RIT2: variants seen among roughly 807,000 people sequenced by gnomAD.
The protein encoded by RIT2 is Ras like without CAAX 2.
In RIT2, 24 loss-of-function variants were observed where a neutral mutation model predicts 23.7. The ratio of observed to expected loss-of-function variants is 1.01; its 90% CI spans 0.73 to 1.43. RIT2 has a LOEUF of 1.43. Ranked by LOEUF, RIT2 falls within the 40% of genes most tolerant of loss-of-function variation. The pLI, the probability that RIT2 is intolerant of heterozygous loss-of-function variation, is 0.00. For synonymous variants in RIT2, 107 were observed against 91.1 expected (o/e 1.17, Z -0.99); for missense variants, 236 against 266.9 (o/e 0.88, Z 0.81).
chr18:42,870,724 G>A (rs548932389), intron 4 of RIT2, among the ~76,000 whole-genome samples: 11 of 152,154 alleles, frequency 7.2e-5, no homozygotes, highest in African/African-American at 2.7e-4. Flanking sequence ...TCATGTGAAA[G>A]GTTTCCTATA....
intron 2 of RIT2, among the ~76,000 whole-genome samples, chr18:42,984,739 A>C (rs1053629364): frequency 6.6e-6 from 1 of 152,102 alleles, no homozygotes; most frequent in Non-Finnish European, 1.5e-5. Flanking sequence ...TCCAAATTTC[A>C]AAAAGCATAT....
At chr18:42,860,054 A>C (rs1907287250) in intron 4 of RIT2, among the ~76,000 whole-genome samples, 1 of 152,206 alleles carries the variant, frequency 6.6e-6, no homozygotes, top group Non-Finnish European at 1.5e-5. Context: ...AGTTGAACAA[A>C]TGTCACTGAT....
intron 3 of RIT2, among the ~76,000 whole-genome samples, chr18:42,948,389 C>T (rs908422500): frequency 2.6e-5 from 4 of 152,070 alleles, no homozygotes; most frequent in Non-Finnish European, 5.9e-5. Flanking sequence ...CTGAGTTCTG[C>T]AGGAGCAAGG....
At chr18:43,003,840 T>G (rs1011436824) in intron 2 of RIT2, among the ~76,000 whole-genome samples, 3 of 150,048 alleles carry the variant, frequency 2.0e-5, no homozygotes, top group Non-Finnish European at 4.4e-5. Context: ...CCTACCCAGG[T>G]TCTGAAAAAT....
intron 4 of RIT2, among the ~76,000 whole-genome samples, chr18:42,791,755 A>G (rs1257004804): frequency 6.6e-6 from 1 of 152,150 alleles, no homozygotes; most frequent in Non-Finnish European, 1.5e-5. Context: ...TTCTTTTCTT[A>G]ACAAGATTTT....
intron 4 of RIT2, among the ~76,000 whole-genome samples, chr18:42,885,487 G>A (rs12455240): frequency 0.05 from 7,663 of 152,196 alleles, 575 homozygotes; most frequent in East Asian, 0.31. Flanking sequence ...TTGGGAGGCT[G>A]AGTCAGGAGA....
intron 4 of RIT2, among the ~76,000 whole-genome samples, chr18:42,791,296 T>C (rs1469504568): frequency 2.0e-5 from 3 of 152,206 alleles, no homozygotes; most frequent in African/African-American, 7.2e-5. Flanking sequence ...AAATTAGATA[T>C]GTATCTTCAG....
intron 2 of RIT2, among the ~76,000 whole-genome samples, chr18:42,987,107 T>C (rs1240489527): frequency 6.6e-6 from 1 of 152,158 alleles, no homozygotes; most frequent in East Asian, 1.9e-4. Flanking sequence ...GGCTGAATTA[T>C]TGGTTTCAGT....
intron 1 of RIT2, among the ~76,000 whole-genome samples, chr18:43,094,623 T>A (rs1913507501): frequency 6.6e-6 from 1 of 152,114 alleles, no homozygotes; most frequent in East Asian, 1.9e-4. Context: ...ATAGAATGAA[T>A]GTAGATATTA....
intron 1 of RIT2, among the ~76,000 whole-genome samples, chr18:43,037,924 G>C (rs933751580): frequency 6.6e-6 from 1 of 152,030 alleles, no homozygotes; most frequent in Non-Finnish European, 1.5e-5. Context: ...ATAGTTTCAG[G>C]CCGGACGCCG....
rs139213982 is a variant in RIT2 at position 42,937,954 on chromosome 18, T to TCTGA, written c.235-14195_235-14192dup. Among the ~76,000 whole-genome samples the TCTGA allele has an allele frequency of 3.9e-3, 590 of 152,302 alleles. 4 individuals are homozygous for TCTGA. The highest frequency in any genetic ancestry group is 0.014 in the African/African-American group (565 of 41,572). On this transcript the variant is annotated intron_variant, in intron 3 of 4. Coordinates refer to ENST00000326695, the MANE Select transcript of RIT2 (RefSeq NM_002930.4). ...GTCAAGGCATTGGTAGTTCTCTCCC[T>TCTGA]CTGACTGAGGACTCCAGTGGCTGTG... is the stretch of plus-strand genomic sequence containing the variant.
intron 4 of RIT2, among the ~76,000 whole-genome samples, chr18:42,850,826 A>G (rs1907035851): frequency 6.6e-6 from 1 of 152,128 alleles, no homozygotes; most frequent in Non-Finnish European, 1.5e-5. Context: ...CTTAACTCCC[A>G]GTTCTTATAC....
intron 1 of RIT2, among the ~76,000 whole-genome samples, chr18:43,088,703 A>G (rs978523513): frequency 2.0e-5 from 3 of 152,156 alleles, no homozygotes; most frequent in Non-Finnish European, 2.9e-5. Flanking sequence ...CATATTTATC[A>G]TCATTTTCAT....
At chr18:42,839,439 T>A (rs2144021610) in intron 4 of RIT2, among the ~76,000 whole-genome samples, 1 of 152,318 alleles carries the variant, frequency 6.6e-6, no homozygotes, top group African/African-American at 2.4e-5. Context: ...AAAGCTTATA[T>A]CTTGGCCTGG....
chr18:42,928,680 T>C (rs1355944559), intron 3 of RIT2, among the ~76,000 whole-genome samples: 2 of 151,990 alleles, frequency 1.3e-5, no homozygotes, highest in Non-Finnish European at 2.9e-5. Flanking sequence ...AGCAAAAGGA[T>C]TGCAATAAGT....
chr18:43,076,441 T>C (rs1343359450), intron 1 of RIT2, among the ~76,000 whole-genome samples: 4 of 151,984 alleles, frequency 2.6e-5, no homozygotes. Context: ...AAGCAAAAAC[T>C]AAAACAAAAA....
At chr18:42,927,815 C>T (rs1909220733) in intron 3 of RIT2, among the ~76,000 whole-genome samples, 1 of 151,884 alleles carries the variant, frequency 6.6e-6, no homozygotes, top group African/African-American at 2.4e-5. Flanking sequence ...TTGATATACT[C>T]CCTTGTATTA....
chr18:43,051,087 A>G (rs919908699), intron 1 of RIT2, among the ~76,000 whole-genome samples: 4 of 152,024 alleles, frequency 2.6e-5, no homozygotes, highest in East Asian at 3.9e-4. Flanking sequence ...GAAGGGGGGA[A>G]TATTGCAGGC....
rs137951794 is a variant in RIT2 at position 43,013,908 on chromosome 18, T to C, written c.160+19903A>G. Among the ~76,000 whole-genome samples the C allele has an allele frequency of 2.6e-5, 4 of 151,916 alleles. No homozygotes were observed. The East Asian group carries it at 7.8e-4, about 30-fold the overall frequency. On this transcript the variant is annotated intron_variant, in intron 2 of 4. Transcript: ENST00000326695. ...TTCCCCAGCTCTACGCTAGATACAC[T>C]AAATGCTGCCATCGTTGAGTCATTA...
Sources: allele counts gnomAD v4.1 joint callset (sites outside exome capture counted in the v4.1 genomes callset), GRCh38; gene constraint gnomAD v4.1.1; transcripts MANE v1.5; gene names NCBI Gene and HGNC (gene_info 2026-07-23, HGNC 2026-07-21).